The following OPCML variants were observed in gnomAD, a reference collection of about 807,000 sequenced individuals.
The protein encoded by OPCML is opioid binding protein/cell adhesion molecule like, also known as opioid-binding protein/cell adhesion molecule.
OPCML carries 13 observed loss-of-function variants against 37.8 expected under a neutral mutation model. That is an observed-to-expected ratio of 0.34 (90% CI 0.22 to 0.55). The LOEUF is 0.55. Among genes scored for constraint, OPCML ranks in the 20% least tolerant of loss-of-function variants. OPCML has a pLI of 0.91. For synonymous variants in OPCML, 176 were observed against 168.8 expected (o/e 1.04, Z -0.33); for missense variants, 341 against 435.6 (o/e 0.78, Z 1.93).
At chr11:132,989,548 T>C (rs1221415364) in intron 1 of OPCML, among the ~76,000 whole-genome samples, 1 of 150,760 alleles carries the variant, frequency 6.6e-6, no homozygotes, top group Non-Finnish European at 1.5e-5. Context: ...GGAAGGAGGA[T>C]GGATGGGGGA....
chr11:133,077,239 C>T (rs2137022037), intron 1 of OPCML, among the ~76,000 whole-genome samples: 1 of 151,878 alleles, frequency 6.6e-6, no homozygotes, highest in East Asian at 2.0e-4. Flanking sequence ...AGGTCTGTGC[C>T]CCATCAAGCT....
rs200928324 is a variant in OPCML at position 133,390,481 on chromosome 11, G to A, written c.61+141783C>T. Among the ~76,000 whole-genome samples, 6 of 151,996 alleles carry A rather than the reference G, an allele frequency of 3.9e-5. No homozygotes were observed. The East Asian group carries it at 7.7e-4, about 20-fold the overall frequency. Reference sequence around the variant, plus strand: ...CCATCTCAACAAAAACAACAACAACGACAACAACAAAAAAGGTAGCTGCAA... The same window carrying A: ...CCATCTCAACAAAAACAACAACAACAACAACAACAAAAAAGGTAGCTGCAA... On this transcript the variant is annotated intron_variant, in intron 1 of 7. Transcript: ENST00000524381.
chr11:132,718,555 G>A (rs564604554), intron 2 of OPCML, among the ~76,000 whole-genome samples: 67 of 152,230 alleles, frequency 4.4e-4, no homozygotes, highest in Admixed American at 1.4e-3. Flanking sequence ...CCCTAGGTCA[G>A]CCTGTTTCTT....
At chr11:132,818,867 T>G (rs1391243715) in intron 2 of OPCML, among the ~76,000 whole-genome samples, 1 of 150,062 alleles carries the variant, frequency 6.7e-6, no homozygotes, top group African/African-American at 2.4e-5. Flanking sequence ...AAATGGCACA[T>G]GTATACATGT....
At chr11:133,006,693 C>A (rs73588529) in intron 1 of OPCML, 1 of 985,326 alleles carries the variant, frequency 1.0e-6, no homozygotes, top group African/African-American at 1.7e-5. Context: ...GCCACTTCCA[C>A]TTTTTCTGCT....
intron 1 of OPCML, among the ~76,000 whole-genome samples, chr11:133,379,253 A>T (rs1944879628): frequency 6.6e-6 from 1 of 152,158 alleles, no homozygotes. Context: ...ATTTGTTCTA[A>T]AATGTCCTCA....
chr11:132,842,184 AC>A (rs1190385806), intron 2 of OPCML, among the ~76,000 whole-genome samples: 1 of 151,938 alleles, frequency 6.6e-6, no homozygotes, highest in East Asian at 1.9e-4. Context: ...TTACTACTTT[AC>A]CCCCTTCCTT....
intron 1 of OPCML, among the ~76,000 whole-genome samples, chr11:133,215,146 C>T (rs949147006): frequency 3.6e-4 from 54 of 152,020 alleles, no homozygotes; most frequent in Non-Finnish European, 6.5e-4. Flanking sequence ...GACGTCCTTC[C>T]TTCCAGGCTT....
At chr11:132,477,655 A>T (rs898852593) in intron 4 of OPCML, among the ~76,000 whole-genome samples, 1 of 152,208 alleles carries the variant, frequency 6.6e-6, no homozygotes, top group African/African-American at 2.4e-5. Flanking sequence ...GCAAAGTTCA[A>T]GACAGAAGCA....
intron 1 of OPCML, among the ~76,000 whole-genome samples, chr11:133,035,068 C>T (rs368467753): frequency 1.3e-5 from 2 of 152,178 alleles, no homozygotes; most frequent in African/African-American, 2.4e-5. Flanking sequence ...GGAAAGGATG[C>T]TCTGGGAGAG....
chr11:133,240,378 C>T (rs1050208754), intron 1 of OPCML, among the ~76,000 whole-genome samples: 12 of 152,178 alleles, frequency 7.9e-5, no homozygotes, highest in Non-Finnish European at 1.8e-4. Flanking sequence ...TTGCTTTCTT[C>T]TTCCCACACA....
At chr11:132,780,560 C>A (rs1186476374) in intron 2 of OPCML, among the ~76,000 whole-genome samples, 1 of 152,172 alleles carries the variant, frequency 6.6e-6, no homozygotes, top group Non-Finnish European at 1.5e-5. Context: ...GATTAAAAAT[C>A]ACTGGTTTCC....
chr11:133,496,343 A>G (rs908694605), intron 1 of OPCML, among the ~76,000 whole-genome samples: 1 of 152,130 alleles, frequency 6.6e-6, no homozygotes. Flanking sequence ...TGACGCCTCC[A>G]GATTTGTCCT....
intron 3 of OPCML, among the ~76,000 whole-genome samples, chr11:132,576,658 T>A (rs967817303): frequency 6.6e-6 from 1 of 152,152 alleles, no homozygotes; most frequent in Non-Finnish European, 1.5e-5. Context: ...ATTTGGGACA[T>A]CTTTGCCTGA....
intron 2 of OPCML, among the ~76,000 whole-genome samples, chr11:132,914,271 G>A (rs1487039084): frequency 6.6e-6 from 1 of 152,160 alleles, no homozygotes. Context: ...TCTCCACAAT[G>A]CTTAGTGTCT....
intron 1 of OPCML, among the ~76,000 whole-genome samples, chr11:133,266,131 C>A (rs942461218): frequency 6.6e-6 from 1 of 152,132 alleles, no homozygotes; most frequent in African/African-American, 2.4e-5. Flanking sequence ...AACAAACAAA[C>A]CTGTTTTGTT....
chr11:133,315,919 T>G (rs1943196176), intron 1 of OPCML, among the ~76,000 whole-genome samples: 1 of 152,176 alleles, frequency 6.6e-6, no homozygotes, highest in Admixed American at 6.5e-5. Flanking sequence ...TGCTCTGTGG[T>G]GGGTACTACT....
At chr11:133,286,470 CA>C (rs60645863) in intron 1 of OPCML, among the ~76,000 whole-genome samples, 129 of 51,288 alleles carry the variant, frequency 2.5e-3, no homozygotes, top group East Asian at 3.5e-3. Flanking sequence ...CTGTGTCTCA[CA>C]AAAAAAAAAA....
intron 3 of OPCML, among the ~76,000 whole-genome samples, chr11:132,649,019 G>A (rs904109479): frequency 4.6e-5 from 7 of 152,108 alleles, no homozygotes; most frequent in East Asian, 1.9e-4. Context: ...CAGAGGCCAC[G>A]GAGGAAATAG....
Sources: allele counts gnomAD v4.1 joint callset (sites outside exome capture counted in the v4.1 genomes callset), GRCh38; gene constraint gnomAD v4.1.1; transcripts MANE v1.5; gene names NCBI Gene and HGNC (gene_info 2026-07-23, HGNC 2026-07-21).